Variants in CLEC2D observed in about 807,000 individuals in gnomAD.
CLEC2D encodes C-type lectin related f.
In CLEC2D, 16 loss-of-function variants were observed where a neutral mutation model predicts 20.0. That is an observed-to-expected ratio of 0.80 (90% CI 0.54 to 1.22). The LOEUF is 1.22. Among genes scored for constraint, CLEC2D ranks in the 50% most tolerant of loss-of-function variants. The probability of loss-of-function intolerance (pLI) is 0.00; values close to 1 mark genes in which losing one functional copy is unlikely to be tolerated. For missense variants in CLEC2D, 207 were observed against 221.5 expected (o/e 0.93, Z 0.42); for synonymous variants, 77 against 71.1 (o/e 1.08, Z -0.42).
chr12:9,697,395 G>A lies in CLEC2D; in HGVS notation c.*2521G>A, dbSNP rs1164327859. On this transcript the variant is annotated 3_prime_UTR_variant, in exon 5 of 5. Transcript: ENST00000290855. ...CGGCCCATCCCTTCATTTCCCATAA[G>A]GGATACTTTTAGTTAATTTAATATC... The A allele has an allele frequency of 1.3e-5, 2 of 152,190 alleles. No individual in the cohort carries two copies. Among genetic ancestry groups the A allele is most frequent in the Non-Finnish European group, 2.9e-5 (2 of 68,028 alleles). The allele number at this position is 152,190 out of a possible 1,614,324, so 9.4% of individuals were successfully genotyped here.
At chr12:9,693,244 TGTC>T (rs1177594769) in intron 4 of CLEC2D, 34 of 657,588 alleles carry the variant, frequency 5.2e-5, no homozygotes, top group Non-Finnish European at 8.7e-5. Flanking sequence ...AAATTGCACT[TGTC>T]CTCCTGATTT....
intron 1 of CLEC2D, among the ~76,000 whole-genome samples, chr12:9,671,639 A>C (rs939737682): frequency 6.6e-6 from 1 of 152,214 alleles, no homozygotes; most frequent in Non-Finnish European, 1.5e-5. Flanking sequence ...AGAAAAAATA[A>C]ACGTGGTATT....
At chr12:9,683,995 TC>T (rs1297006688) in intron 2 of CLEC2D, among the ~76,000 whole-genome samples, 1 of 152,202 alleles carries the variant, frequency 6.6e-6, no homozygotes, top group Non-Finnish European at 1.5e-5. Flanking sequence ...TATTGATTCT[TC>T]CTATCTATGA....
At position 9,695,777 on chromosome 12, in the gene CLEC2D, A is replaced by G; in HGVS notation, c.*903A>G. On this transcript the variant is annotated 3_prime_UTR_variant, in exon 5 of 5. Transcript: ENST00000290855. ...GAGTCAGAAGATGAAGAAGAGGAGG[A>G]TGTGAAACTCTTAAGTATATCTGGA... The G allele has an allele frequency of 7.4e-7, 1 of 1,359,490 alleles. No homozygotes were observed. The highest frequency in any genetic ancestry group is 1.0e-6 in the Non-Finnish European group (1 of 961,226). The allele number at this position is 1,359,490 out of a possible 1,614,324, so 84.2% of individuals were successfully genotyped here. A position where few individuals can be genotyped will look rare whatever the true frequency, so the allele number is the denominator to read the frequency against.
intron 1 of CLEC2D, among the ~76,000 whole-genome samples, chr12:9,670,836 G>T (rs1865403361): frequency 6.6e-6 from 1 of 152,204 alleles, no homozygotes; most frequent in South Asian, 2.1e-4. Flanking sequence ...TCAACCAGGG[G>T]TGAAATTGGG....
In CLEC2D at chr12:9,695,115, A is replaced by G. The variant is rs1285722465; in HGVS notation, c.*241A>G. 1.7e-6 allele frequency: 1 copy of G among 573,078 alleles called. No individual in the cohort carries two copies. Among genetic ancestry groups the G allele is most frequent in the Non-Finnish European group, 3.1e-6 (1 of 321,596 alleles). 35.5% of individuals were successfully genotyped at this position (573,078 alleles called of 1,614,324 possible). ...CCGAGACTGAGTAATTTATAAATAA[A>G]AGAGATTTAATTGACTCATAGTTCC... is the stretch of plus-strand genomic sequence containing the variant. On this transcript the variant is annotated 3_prime_UTR_variant, in exon 5 of 5. Transcript: ENST00000290855.
chr12:9,676,220 C>G, intron 1 of CLEC2D, among the ~76,000 whole-genome samples: 1 of 152,118 alleles, frequency 6.6e-6, no homozygotes, highest in East Asian at 1.9e-4. Flanking sequence ...TTTGCCTTGT[C>G]CTTGATCTTA....
chr12:9,697,660 A>C lies in CLEC2D; in HGVS notation c.*2786A>C, dbSNP rs1361341955. On this transcript the variant is annotated 3_prime_UTR_variant, in exon 5 of 5. Coordinates refer to ENST00000290855, the MANE Select transcript of CLEC2D (RefSeq NM_013269.6). ...ACCTATAGGGTTTATTATATATACT[A>C]AGTGAAATAAGCCAGACACAGAAAA... 6.6e-6 allele frequency: 1 copy of C among 152,156 alleles called. No individual in the cohort carries two copies. The highest frequency in any genetic ancestry group is 1.5e-5 in the Non-Finnish European group (1 of 68,022). 9.4% of individuals were successfully genotyped at this position (152,156 alleles called of 1,614,324 possible).
intron 4 of CLEC2D, chr12:9,693,242 C>G: frequency 1.5e-6 from 1 of 662,298 alleles, no homozygotes; most frequent in South Asian, 2.0e-5. Flanking sequence ...TTAAATTGCA[C>G]TTGTCCTCCT....
rs1470042455 is a variant in CLEC2D, at chr12:9,695,950, A to C, written c.*1076A>C. On this transcript the variant is annotated 3_prime_UTR_variant, in exon 5 of 5. Coordinates refer to ENST00000290855, the MANE Select transcript of CLEC2D (RefSeq NM_013269.6). ...GAAATCTATACGAGATACTCCAGCC[A>C]AAAATGCACAAAAGTCAAATCAGAA... The C allele has an allele frequency of 1.0e-5, 16 of 1,549,184 alleles. No individual in the cohort carries two copies. Among genetic ancestry groups the C allele is most frequent in the Non-Finnish European group, 1.4e-5 (16 of 1,136,236 alleles).
chr12:9,684,636 C>T (rs1021494896), intron 2 of CLEC2D, among the ~76,000 whole-genome samples: 16 of 152,106 alleles, frequency 1.1e-4, no homozygotes, highest in African/African-American at 3.9e-4. Flanking sequence ...CTGTTGAGAT[C>T]ATCATGTGGT....
chr12:9,673,148 G>A (rs1865456347), intron 1 of CLEC2D, among the ~76,000 whole-genome samples: 3 of 152,118 alleles, frequency 2.0e-5, no homozygotes, highest in Admixed American at 1.3e-4. Context: ...GAGGCACTCT[G>A]GCTTTTGGAA....
Position 9,680,935 on chromosome 12 carries a change from C to CA in CLEC2D, c.78dup (p.Glu27ArgfsTer5). Reference sequence around the variant, plus strand: ...TAATTTTTTCCAGGTTGTCTGCATTCAAAAGAGCATTCTATTAAAGCTACC... The same window carrying CA: ...TAATTTTTTCCAGGTTGTCTGCATTCAAAAAGAGCATTCTATTAAAGCTACC... On this transcript the variant is annotated frameshift_variant, in exon 2 of 5. Coordinates refer to ENST00000290855, the MANE Select transcript of CLEC2D (RefSeq NM_013269.6). LOFTEE classifies it high-confidence loss of function. 2 of 1,568,968 alleles carry CA rather than the reference C, an allele frequency of 1.3e-6. No individual in the cohort carries two copies. Among genetic ancestry groups the CA allele is most frequent in the Non-Finnish European group, 1.8e-6 (2 of 1,140,918 alleles).
At chr12:9,690,766 A>G (rs1865844728) in intron 3 of CLEC2D, among the ~76,000 whole-genome samples, 1 of 152,028 alleles carries the variant, frequency 6.6e-6, no homozygotes, top group African/African-American at 2.4e-5. Context: ...TTATGCAGAA[A>G]AGGAAAAAAG....
intron 1 of CLEC2D, among the ~76,000 whole-genome samples, chr12:9,678,310 A>G (rs1176455836): frequency 1.3e-5 from 2 of 152,118 alleles, no homozygotes; most frequent in East Asian, 1.9e-4. Flanking sequence ...TGTTTGTGCC[A>G]GTATGATATA....
At chr12:9,681,933 T>C (rs1865643460) in intron 2 of CLEC2D, among the ~76,000 whole-genome samples, 1 of 152,218 alleles carries the variant, frequency 6.6e-6, no homozygotes, top group Non-Finnish European at 1.5e-5. Flanking sequence ...ATTGTAACTA[T>C]TTAAGAAAGA....
chr12:9,695,329 G>A lies in CLEC2D; in HGVS notation c.*455G>A. ...TCCTGCGCGGCTGTTCTCTGGAGCA[G>A]CATTCATTTATCTTCGTCTGCCTTG... On this transcript the variant is annotated 3_prime_UTR_variant, in exon 5 of 5. Transcript: ENST00000290855. 3.3e-6 allele frequency: 3 copies of A among 904,982 alleles called. No homozygotes were observed. Among genetic ancestry groups the A allele is most frequent in the Non-Finnish European group, 5.4e-6 (3 of 551,402 alleles). 56.1% of individuals were successfully genotyped at this position (904,982 alleles called of 1,614,324 possible).
chr12:9,679,402 A>AAT lies in CLEC2D; in HGVS notation c.62-1519_62-1518dup, dbSNP rs529417993. Among the ~76,000 whole-genome samples, 170 of 152,266 alleles carry AAT rather than the reference A, an allele frequency of 1.1e-3. 3 individuals carry two copies. The highest frequency in any genetic ancestry group is 0.01 in the Middle Eastern group (3 of 294). On this transcript the variant is annotated intron_variant, in intron 1 of 4. Transcript: ENST00000290855. ...ACAAGTTATCTCAATGTTTCTCCAA[A>AAT]ATAGTGGTTGTTTCTCATTCACTTT...
chr12:9,689,573 A>G (rs1865821680), intron 3 of CLEC2D, among the ~76,000 whole-genome samples: 1 of 152,200 alleles, frequency 6.6e-6, no homozygotes, highest in African/African-American at 2.4e-5. Context: ...AAGTATAACC[A>G]ATGAGTTAAA....
Sources: gnomAD v4.1 joint callset for allele counts (sites outside exome capture counted in the v4.1 genomes callset) on GRCh38, gnomAD v4.1.1 for gene constraint, MANE v1.5 for transcripts, NCBI Gene and HGNC (gene_info 2026-07-23, HGNC 2026-07-21) for gene names.